P4HA3: variants seen among roughly 807,000 people sequenced by gnomAD.
P4HA3 encodes the protein prolyl 4-hydroxylase subunit alpha 3.
A neutral mutation model predicts 66.7 loss-of-function variants in P4HA3; 60 were observed. The ratio of observed to expected loss-of-function variants is 0.90; its 90% CI spans 0.73 to 1.12. P4HA3 has a LOEUF of 1.12. Ranked by LOEUF, P4HA3 falls within the 50% of genes most tolerant of loss-of-function variation. The pLI, the probability that P4HA3 is intolerant of heterozygous loss-of-function variation, is 0.00. For missense variants in P4HA3, 683 were observed against 685.8 expected (o/e 1.00, Z 0.05); for synonymous variants, 263 against 274.6 (o/e 0.96, Z 0.42).
chr11:74,272,411 C>T (rs759400944), intron 10 of P4HA3, among the ~76,000 whole-genome samples: 34 of 152,154 alleles, frequency 2.2e-4, no homozygotes, highest in South Asian at 2.1e-4. Context: ...ATTCTTTCGC[C>T]GTTTGTGACC....
At chr11:74,259,008 C>A (rs1040233414) in intron 15 of P4HA3, among the ~76,000 whole-genome samples, 1 of 152,206 alleles carries the variant, frequency 6.6e-6, no homozygotes, top group African/African-American at 2.4e-5. Context: ...CCTACTCCTG[C>A]TGGGTAGGGC....
chr11:74,277,003 A>G lies in P4HA3; in HGVS notation c.1317T>C (p.Pro439=). 3 of 1,613,630 alleles carry G rather than the reference A, an allele frequency of 1.9e-6. No individual in the cohort carries two copies. Among genetic ancestry groups the G allele is most frequent in the South Asian group, 2.2e-5 (2 of 91,032 alleles). ...VNYGIGGHYE[P]HFDHATSPSS... is the part of the protein sequence containing the mutation. ...CCATTACCGTAGCATGGTCAAAGTG[A>G]GGCTCATAGTGTCCTCCGATGCCAT... The change falls in exon 9 of 13, where the codon CCT becomes CCC. Residue 439 remains proline (P), a synonymous_variant. Transcript: ENST00000331597.
chr11:74,311,326 G>A, intron 1 of P4HA3, 86 bp downstream of exon 1: 1 of 1,343,806 alleles, frequency 7.4e-7, no homozygotes, highest in East Asian at 3.0e-5. Flanking sequence ...TGAGCCTGGG[G>A]TCACACTCAA....
intron 5 of P4HA3, chr11:74,287,332 G>T (rs1166110769): frequency 7.8e-7 from 1 of 1,286,426 alleles, no homozygotes; most frequent in South Asian, 1.2e-5. Context: ...TTACCATTCT[G>T]TTTTAACAAG....
intron 8 of P4HA3, among the ~76,000 whole-genome samples, chr11:74,277,916 CT>C (rs1425960203): frequency 6.6e-6 from 1 of 152,168 alleles, no homozygotes; most frequent in Non-Finnish European, 1.5e-5. Context: ...TTGCTCTTTG[CT>C]TTTGATGGAT....
chr11:74,268,075 C>T (rs1591086471), intron 12 of P4HA3, 70 bp downstream of exon 12: 1 of 1,353,352 alleles, frequency 7.4e-7, no homozygotes, highest in South Asian at 1.2e-5. Flanking sequence ...TGGTAGGTCC[C>T]ACCCATCCCC....
intron 9 of P4HA3, among the ~76,000 whole-genome samples, chr11:74,276,006 T>C (rs565981377): frequency 4.0e-4 from 61 of 152,302 alleles, no homozygotes; most frequent in African/African-American, 1.4e-3. Flanking sequence ...TGCAGCAACA[T>C]GGATGGAGCT....
intron 4 of P4HA3, among the ~76,000 whole-genome samples, chr11:74,290,156 T>A (rs1860960735): frequency 6.6e-6 from 1 of 152,086 alleles, no homozygotes; most frequent in African/African-American, 2.4e-5. Flanking sequence ...TGAGATGGTA[T>A]CTCATTGTGG....
At chr11:74,251,163 A>C (rs1426306369) in intron 15 of P4HA3, 1 of 1,472,868 alleles carries the variant, frequency 6.8e-7, no homozygotes, top group Admixed American at 2.3e-5. Context: ...CAGCTCTCCA[A>C]CTTCTCCCTG....
rs1170694097 is a variant in P4HA3, at chr11:74,293,494, A to G, written c.718-4364T>C. On this transcript the variant is annotated intron_variant, in intron 4 of 12. Coordinates refer to ENST00000331597, the MANE Select transcript of P4HA3 (RefSeq NM_182904.5). ...GTGAATGTGATCCTGTCATTATGAC[A>G]TTAGCTGGTTATTTTGCTCGTTAGT... Among the ~76,000 whole-genome samples the G allele has an allele frequency of 2.0e-5, 3 of 152,274 alleles. No individual in the cohort carries two copies. In the East Asian group the frequency reaches 5.8e-4, roughly 29 times the overall value.
At chr11:74,309,644 A>G (rs914242790) in intron 1 of P4HA3, among the ~76,000 whole-genome samples, 1 of 152,224 alleles carries the variant, frequency 6.6e-6, no homozygotes, top group Non-Finnish European at 1.5e-5. Context: ...AACAAAAAGA[A>G]AACATTTGGC....
chr11:74,278,945 C>T (rs970044368), intron 8 of P4HA3, among the ~76,000 whole-genome samples: 4 of 152,134 alleles, frequency 2.6e-5, no homozygotes, highest in Non-Finnish European at 1.5e-5. Context: ...GCTCTCACAG[C>T]TGAATCTGCT....
chr11:74,306,383 C>T (rs1369435188), intron 1 of P4HA3, among the ~76,000 whole-genome samples: 2 of 152,100 alleles, frequency 1.3e-5, no homozygotes, highest in African/African-American at 2.4e-5. Flanking sequence ...TTCTAAAACA[C>T]CAATGGAATT....
At chr11:74,269,613 T>C (rs771397704) in intron 11 of P4HA3, 39 bp downstream of exon 11, 13 of 1,589,596 alleles carry the variant, frequency 8.2e-6, no homozygotes, top group Non-Finnish European at 4.3e-6. Flanking sequence ...AGCGCTGCAC[T>C]CCCTCAACCC....
intron 15 of P4HA3, among the ~76,000 whole-genome samples, chr11:74,256,281 C>T (rs571683920): frequency 6.6e-6 from 1 of 152,302 alleles, no homozygotes; most frequent in South Asian, 2.1e-4. Flanking sequence ...TGGAGATGAA[C>T]CCTCTTTACA....
At chr11:74,310,390 G>A (rs1861699523) in intron 1 of P4HA3, among the ~76,000 whole-genome samples, 1 of 152,218 alleles carries the variant, frequency 6.6e-6, no homozygotes. Context: ...ATCCACTGCT[G>A]TGTGCTACAC....
chr11:74,295,015 G>A (rs1267969809), intron 4 of P4HA3, among the ~76,000 whole-genome samples: 3 of 152,240 alleles, frequency 2.0e-5, no homozygotes, highest in South Asian at 2.1e-4. Context: ...TGTCACTCAC[G>A]CTGGGAGCTG....
intron 10 of P4HA3, 126 bp downstream of exon 10, chr11:74,273,419 G>T (rs538202691): frequency 6.1e-6 from 5 of 814,202 alleles, no homozygotes; most frequent in Non-Finnish European, 6.9e-6. Flanking sequence ...TCTGAAATTC[G>T]CAAAATTCCT....
chr11:74,255,962 CCA>C lies in P4HA3; in HGVS notation c.*1318+3959_*1318+3960del, dbSNP rs767949187. The C allele has an allele frequency of 7.8e-6, 4 of 515,090 alleles. No individual in the cohort carries two copies. In the Admixed American group the frequency reaches 7.8e-5, roughly 10 times the overall value. 31.9% of individuals were successfully genotyped at this position (515,090 alleles called of 1,614,324 possible). ...TTTGCTGAGCTATGTGCCCTCTTGTCCACAAGAGGGCAGCATGATCACTTGGT... is the reference window on the plus strand; with the variant it reads ...TTTGCTGAGCTATGTGCCCTCTTGTCCAAGAGGGCAGCATGATCACTTGGT... On this transcript the variant is annotated intron_variant and NMD_transcript_variant, in intron 15 of 15. Transcript: ENST00000524388.
Sources: allele counts gnomAD v4.1 joint callset (sites outside exome capture counted in the v4.1 genomes callset), GRCh38; gene constraint gnomAD v4.1.1; transcripts MANE v1.5; gene names NCBI Gene and HGNC (gene_info 2026-07-23, HGNC 2026-07-21).